RUFY1: variants seen among roughly 807,000 people sequenced by gnomAD.
RUFY1 encodes the protein RUN and FYVE domain-containing protein 1.
A neutral mutation model predicts 94.6 loss-of-function variants in RUFY1; 54 were observed. The ratio of observed to expected loss-of-function variants is 0.57; its 90% CI spans 0.46 to 0.72. The LOEUF (loss-of-function observed/expected upper bound fraction) is 0.72. RUFY1 is among the 30% of genes least tolerant of loss of function. The pLI, the probability that RUFY1 is intolerant of heterozygous loss-of-function variation, is 0.00. For missense variants in RUFY1, 883 were observed against 883.9 expected, an observed-to-expected ratio of 1.00 and a Z score of 0.01; for synonymous variants, 396 against 347.3, an observed-to-expected ratio of 1.14 and a Z score of -1.56.
chr5:179,564,420 G>GTT (rs60186448), intron 3 of RUFY1, among the ~76,000 whole-genome samples: 40 of 123,616 alleles, frequency 3.2e-4, no homozygotes, highest in African/African-American at 7.3e-4. Context: ...GTGCCTGGCT[G>GTT]TTTTTTTTTT....
chr5:179,569,459 T>G, intron 5 of RUFY1, 34 bp downstream of exon 5: 1 of 1,609,604 alleles, frequency 6.2e-7, no homozygotes, highest in Non-Finnish European at 8.5e-7. Flanking sequence ...ATGAACACTT[T>G]CGTTAGTCCA....
chr5:179,591,136 G>A (rs1765052372), intron 9 of RUFY1, among the ~76,000 whole-genome samples: 1 of 150,430 alleles, frequency 6.6e-6, no homozygotes, highest in South Asian at 2.1e-4. Flanking sequence ...CCCAGCCTAT[G>A]AACTTAACTT....
chr5:179,600,684 CTTTTTTT>C (rs398000079), intron 14 of RUFY1, among the ~76,000 whole-genome samples: 7 of 54,706 alleles, frequency 1.3e-4, no homozygotes, highest in African/African-American at 4.0e-4. Context: ...ATGATGGTAA[CTTTTTTT>C]TTTTTTTTTT....
In RUFY1 at chr5:179,609,659, A is replaced by G. The variant is rs1413561153; in HGVS notation, c.*140A>G. 5.4e-5 allele frequency: 44 copies of G among 808,670 alleles called. No individual in the cohort carries two copies. Among genetic ancestry groups the G allele is most frequent in the Non-Finnish European group, 6.6e-5 (36 of 546,544 alleles). 50.1% of individuals were successfully genotyped at this position (808,670 alleles called of 1,614,324 possible). A position where few individuals can be genotyped will look rare whatever the true frequency, so the allele number is the denominator to read the frequency against. On this transcript the variant is annotated 3_prime_UTR_variant, in exon 18 of 18. Transcript: ENST00000319449. ...CCCGGTCACTGGCACTCCAGAAGAC[A>G]GCGTGCCGGAACCGGCAGCTCTCAC...
At chr5:179,583,077 T>C (rs1476513970) in intron 7 of RUFY1, among the ~76,000 whole-genome samples, 1 of 151,820 alleles carries the variant, frequency 6.6e-6, no homozygotes, top group Non-Finnish European at 1.5e-5. Flanking sequence ...CCAAGGCAGA[T>C]GGATTACCTG....
At position 179,591,705 on chromosome 5, in the gene RUFY1, G is replaced by A. The variant is rs751372395; in HGVS notation, c.1209G>A (p.Val403=). 13 of 1,611,144 alleles carry A rather than the reference G, an allele frequency of 8.1e-6. No homozygotes were observed. The East Asian group carries it at 2.7e-4, about 33-fold the overall frequency. ...GTCTGGATGAAATGTACAGTGATGTGTGGAAGCAGCTAAAAGAGGAGAAGA... is the reference window on the plus strand; with the variant it reads ...GTCTGGATGAAATGTACAGTGATGTATGGAAGCAGCTAAAAGAGGAGAAGA... ...RQGLDEMYSD[V]WKQLKEEKKV... is the part of the protein sequence containing the mutation. The change falls in exon 10 of 18, where the codon GTG becomes GTA. Residue 403 remains valine (V), a synonymous_variant. Transcript: ENST00000319449.
At chr5:179,570,272 A>G (rs1763127387) in intron 5 of RUFY1, among the ~76,000 whole-genome samples, 1 of 152,218 alleles carries the variant, frequency 6.6e-6, no homozygotes. Context: ...CCTGGATTTG[A>G]GAAAGCTCAA....
chr5:179,562,572 T>C lies in RUFY1; in HGVS notation c.510T>C (p.Asn170=), dbSNP rs558988243. The change falls in exon 3 of 18, where the codon AAT becomes AAC. Residue 170 remains asparagine (N), a synonymous_variant. Coordinates refer to ENST00000319449, the MANE Select transcript of RUFY1 (RefSeq NM_025158.5). ...LKVKKSFIGQ[N]KSFFGPLELV... The stretch of plus-strand genomic sequence containing the variant: ...TTAAGAAGAGTTTTATTGGCCAAAA[T>C]AAATCATTCTTTGGTCCTTTGGAGC... 1.2e-6 allele frequency: 2 copies of C among 1,609,970 alleles called. No individual in the cohort carries two copies. Among genetic ancestry groups the C allele is most frequent in the Non-Finnish European group, 8.5e-7 (1 of 1,176,380 alleles).
At chr5:179,580,757 C>T (rs556106848) in intron 6 of RUFY1, among the ~76,000 whole-genome samples, 190 bp from the exon 7 acceptor site, 12 of 152,166 alleles carry the variant, frequency 7.9e-5, no homozygotes, top group South Asian at 2.1e-4. Context: ...GCCCTGGAGA[C>T]GCTGACTACT....
chr5:179,598,503 T>C (rs1199918534), intron 13 of RUFY1, 189 bp from the exon 14 acceptor site: 2 of 653,232 alleles, frequency 3.1e-6, no homozygotes, highest in African/African-American at 3.6e-5. Flanking sequence ...CAGGCTTTTC[T>C]CTCCCTGGTT....
At chr5:179,598,918 G>A (rs1476313644) in intron 14 of RUFY1, 97 bp downstream of exon 14, 13 of 1,398,550 alleles carry the variant, frequency 9.3e-6, no homozygotes, top group Admixed American at 2.1e-5. Flanking sequence ...CCTTTGTGTG[G>A]GGGCCAGGCG....
intron 6 of RUFY1, among the ~76,000 whole-genome samples, chr5:179,579,140 A>G (rs1190262629): frequency 1.3e-5 from 2 of 152,098 alleles, no homozygotes; most frequent in East Asian, 1.9e-4. Flanking sequence ...CTGCCCTTCC[A>G]TGTCTTCCTG....
At chr5:179,592,407 C>G (rs1271856353) in intron 10 of RUFY1, among the ~76,000 whole-genome samples, 1 of 151,912 alleles carries the variant, frequency 6.6e-6, no homozygotes, top group Non-Finnish European at 1.5e-5. Context: ...CCTGAGCCAC[C>G]GTGCCCGGCC....
At chr5:179,560,987 G>A (rs577160153) in intron 2 of RUFY1, among the ~76,000 whole-genome samples, 1 of 152,198 alleles carries the variant, frequency 6.6e-6, no homozygotes, top group East Asian at 1.9e-4. Flanking sequence ...GAGACGGAAG[G>A]ATCGCTTGAG....
At chr5:179,580,742 G>A (rs1468719290) in intron 6 of RUFY1, among the ~76,000 whole-genome samples, 3 of 152,072 alleles carry the variant, frequency 2.0e-5, no homozygotes, top group Non-Finnish European at 4.4e-5. Flanking sequence ...TCTCCTGGCA[G>A]CCTGGCCCTG....
intron 17 of RUFY1, chr5:179,608,527 C>T (rs1437461805): frequency 2.0e-6 from 2 of 985,418 alleles, no homozygotes; most frequent in Non-Finnish European, 2.4e-6. Flanking sequence ...ATCTACTCCA[C>T]CCCCTTGGAA....
In RUFY1 at chr5:179,572,224, C is replaced by T. The variant is rs879494984; in HGVS notation, c.828+2799C>T. On this transcript the variant is annotated intron_variant, in intron 5 of 17. Transcript: ENST00000319449. ...TCAAGGCCATTGCCCTGGTGGATGG[C>T]GCCTTCCAGGAGGTGAAGCTGTGGG... 3.7e-5 allele frequency: 11 copies of T among 294,816 alleles called. No homozygotes were observed. In the East Asian group the frequency reaches 1.6e-3, roughly 43 times the overall value. The allele number at this position is 294,816 out of a possible 1,614,324, so 18.3% of individuals were successfully genotyped here. A position where few individuals can be genotyped will look rare whatever the true frequency, so the allele number is the denominator to read the frequency against.
chr5:179,596,709 G>T, intron 13 of RUFY1, 28 bp downstream of exon 13: 1 of 1,553,894 alleles, frequency 6.4e-7, no homozygotes, highest in Non-Finnish European at 8.6e-7. Flanking sequence ...AGCCTGGGCT[G>T]GGGTGTGGCT....
At chr5:179,582,100 A>G (rs1196656817) in intron 7 of RUFY1, among the ~76,000 whole-genome samples, 2 of 152,186 alleles carry the variant, frequency 1.3e-5, no homozygotes, top group African/African-American at 4.8e-5. Flanking sequence ...AATACCTTTT[A>G]GTGTCCGTTA....
Sources: allele counts gnomAD v4.1 joint callset (sites outside exome capture counted in the v4.1 genomes callset), GRCh38; gene constraint gnomAD v4.1.1; transcripts MANE v1.5; gene names NCBI Gene and HGNC (gene_info 2026-07-23, HGNC 2026-07-21).